Variants in FOXK2 observed in about 807,000 individuals in gnomAD.
FOXK2 encodes the protein forkhead box K2, also known as forkhead box protein K2.
A neutral mutation model predicts 53.3 loss-of-function variants in FOXK2; 24 were observed. The observed-to-expected ratio is 0.45, with a 90% CI of 0.33 to 0.63. The LOEUF (loss-of-function observed/expected upper bound fraction) is 0.63. Among genes scored for constraint, FOXK2 ranks in the 30% least tolerant of loss-of-function variants. FOXK2 has a pLI of 0.03. For synonymous variants in FOXK2, 505 were observed against 407.1 expected (o/e 1.24, Z -2.89); for missense variants, 952 against 910.5 (o/e 1.05, Z -0.59).
intron 1 of FOXK2, among the ~76,000 whole-genome samples, chr17:82,551,240 C>A (rs989391262): frequency 5.9e-5 from 9 of 151,834 alleles, no homozygotes; most frequent in Admixed American, 5.9e-4. Flanking sequence ...TGGCGTGAAC[C>A]TGGGAGGCGG....
chr17:82,548,067 C>T (rs2044643779), intron 1 of FOXK2, among the ~76,000 whole-genome samples: 2 of 152,212 alleles, frequency 1.3e-5, no homozygotes, highest in African/African-American at 2.4e-5. Context: ...GTCTGGGCTG[C>T]TGTGCATCAC....
chr17:82,585,013 GA>G (rs2045116306), intron 6 of FOXK2, among the ~76,000 whole-genome samples: 1 of 152,274 alleles, frequency 6.6e-6, no homozygotes, highest in African/African-American at 2.4e-5. Flanking sequence ...GGTCATTTGG[GA>G]TTCCTGGCCC....
intron 4 of FOXK2, chr17:82,572,073 T>C (rs2044924871): frequency 2.2e-6 from 1 of 464,128 alleles, no homozygotes; most frequent in Non-Finnish European, 3.7e-6. Context: ...GAAGCGTGGT[T>C]CTGGAGGAGC....
In FOXK2 at chr17:82,519,818, C is replaced by G; in HGVS notation, c.-71C>G. The G allele has an allele frequency of 3.5e-6, 2 of 563,756 alleles. No homozygotes were observed. The highest frequency in any genetic ancestry group is 4.5e-6 in the Non-Finnish European group (2 of 448,494). 34.9% of individuals were successfully genotyped at this position (563,756 alleles called of 1,614,324 possible). On this transcript the variant is annotated 5_prime_UTR_variant, in exon 1 of 9. Transcript: ENST00000335255. ...CTCCGGTGCGCGGCGGCCGACGACCCGCGCGGCCTGGGCCTCGGCCCGCGC... is the reference window on the plus strand; with the variant it reads ...CTCCGGTGCGCGGCGGCCGACGACCGGCGCGGCCTGGGCCTCGGCCCGCGC...
At chr17:82,558,644 CTG>C (rs1409853714) in intron 1 of FOXK2, among the ~76,000 whole-genome samples, 1 of 152,222 alleles carries the variant, frequency 6.6e-6, no homozygotes, top group African/African-American at 2.4e-5. Flanking sequence ...GGCGGGGAGT[CTG>C]TTCTGCTGGT....
intron 1 of FOXK2, among the ~76,000 whole-genome samples, chr17:82,539,125 T>C (rs1447002887): frequency 6.6e-6 from 1 of 151,856 alleles, no homozygotes; most frequent in East Asian, 1.9e-4. Context: ...GCCTGTCATC[T>C]CAGCACTGTA....
intron 4 of FOXK2, among the ~76,000 whole-genome samples, chr17:82,573,684 T>C (rs2044949285): frequency 6.6e-6 from 1 of 152,154 alleles, no homozygotes; most frequent in African/African-American, 2.4e-5. Flanking sequence ...GGGGTCCAGC[T>C]TGCTCTGTGG....
Position 82,586,206 on chromosome 17 carries a change from C to CAG in FOXK2, c.1576+6_1576+7insAG, listed in dbSNP as rs1422253827. The CAG allele has an allele frequency of 2.0e-6, 3 of 1,493,640 alleles. No homozygotes were observed. In the African/African-American group the frequency reaches 5.2e-5, roughly 26 times the overall value. 92.5% of individuals were successfully genotyped at this position (1,493,640 alleles called of 1,614,324 possible). A position where few individuals can be genotyped will look rare whatever the true frequency, so the allele number is the denominator to read the frequency against. ...AGACCACAGGGAAGTCAAAGGTAGG[C>CAG]GGAGGGGAAAGGAGGAGAGGGGAGA... is the stretch of plus-strand genomic sequence containing the variant. On this transcript the variant is annotated splice_region_variant and intron_variant, in intron 7 of 8. Transcript: ENST00000335255.
chr17:82,522,041 CTTT>C (rs924582731), intron 1 of FOXK2, among the ~76,000 whole-genome samples: 6 of 107,264 alleles, frequency 5.6e-5, no homozygotes, highest in Admixed American at 3.0e-4. Flanking sequence ...TTTAATCTGA[CTTT>C]TTTTTTTTTT....
chr17:82,575,319 A>G (rs1324470481), intron 4 of FOXK2, among the ~76,000 whole-genome samples: 1 of 152,188 alleles, frequency 6.6e-6, no homozygotes, highest in Non-Finnish European at 1.5e-5. Context: ...CAAACACGCA[A>G]ACACACTAAC....
Position 82,520,061 on chromosome 17 carries a change from G to C in FOXK2, c.173G>C (p.Arg58Pro). 1 of 1,540,636 alleles carries C rather than the reference G, an allele frequency of 6.5e-7. No homozygotes were observed. Among genetic ancestry groups the C allele is most frequent in the East Asian group, 2.6e-5 (1 of 37,760 alleles). The part of the protein sequence containing the change: ...LMKKRSVTIG[R>P]NSSQGSVDVS... The stretch of plus-strand genomic sequence containing the variant: ...AAGAAGCGCTCGGTGACCATCGGCC[G>C]CAACTCGTCGCAGGGCTCGGTGGAC... The change falls in exon 1 of 9, where the codon CGC (arginine) becomes CCC (proline). Residue 58 changes from arginine (R) to proline (P), a missense_variant. Arg to Pro is a moderately radical substitution (Grantham distance 103, BLOSUM62 -2). Around this residue, in one of 5 missense-constraint regions of FOXK2, gnomAD observed 163 missense variants for 165.5 expected, o/e 0.98. Coordinates refer to ENST00000335255, the MANE Select transcript of FOXK2 (RefSeq NM_004514.4).
chr17:82,596,278 T>C (rs931341162), intron 8 of FOXK2: 9 of 883,598 alleles, frequency 1.0e-5, no homozygotes, highest in Non-Finnish European at 1.2e-5. Context: ...GACGCCTTAA[T>C]TCTGGAACAC....
At chr17:82,572,553 T>C (rs3736206) in intron 4 of FOXK2, among the ~76,000 whole-genome samples, 89,704 of 151,418 alleles carry the variant, frequency 0.59, 27,197 homozygotes, top group South Asian at 0.79. Flanking sequence ...ACCCTTTAGA[T>C]TATGTAGGTT....
chr17:82,589,947 G>A (rs137896395), intron 8 of FOXK2, among the ~76,000 whole-genome samples: 65 of 152,190 alleles, frequency 4.3e-4, no homozygotes, highest in African/African-American at 1.5e-3. Flanking sequence ...TCTGGACGCT[G>A]AGGCAGGAGA....
At chr17:82,591,989 G>A (rs1026857084) in intron 8 of FOXK2, among the ~76,000 whole-genome samples, 2 of 152,198 alleles carry the variant, frequency 1.3e-5, no homozygotes, top group African/African-American at 4.8e-5. Flanking sequence ...CTGCAGCCCC[G>A]ACCTACTGGT....
At position 82,601,437 on chromosome 17, in the gene FOXK2, G is replaced by A. The variant is rs1202330729; in HGVS notation, c.1921G>A (p.Val641Ile). Residue 641 changes from valine (V) to isoleucine (I), a missense_variant, in exon 9 of 9, where the codon GTC (valine) becomes ATC (isoleucine). By Grantham distance (29) the Val-to-Ile change is conservative. Around this residue, in one of 5 missense-constraint regions of FOXK2, gnomAD observed 551 missense variants for 385.1 expected, o/e 1.43. Transcript: ENST00000335255. The part of the protein sequence containing the change: ...RIKTEDGEGI[V>I]IALSVDTPPA... ...CAAGACAGAAGACGGCGAGGGCATC[G>A]TCATTGCCCTGAGCGTGGACACGCC... 6.2e-6 allele frequency: 10 copies of A among 1,612,708 alleles called. No homozygotes were observed. The highest frequency in any genetic ancestry group is 3.3e-5 in the Admixed American group (2 of 60,032).
intron 3 of FOXK2, among the ~76,000 whole-genome samples, chr17:82,568,718 A>G (rs2044879773): frequency 6.6e-6 from 1 of 152,222 alleles, no homozygotes; most frequent in Non-Finnish European, 1.5e-5. Context: ...TGTATAAAAC[A>G]ATGGAATGCG....
In FOXK2 at chr17:82,534,523, T is replaced by G. The variant is rs535678530; in HGVS notation, c.419+14216T>G. Among the ~76,000 whole-genome samples the G allele has an allele frequency of 2.0e-5, 3 of 152,298 alleles. No homozygotes were observed. The South Asian group carries it at 6.2e-4, about 32-fold the overall frequency. On this transcript the variant is annotated intron_variant, in intron 1 of 8. Transcript: ENST00000335255. ...AGACCTGGCTCTAGGTCGTCATGCC[T>G]CAGGCTAGAGGAGGGGCCAGGCTCC...
rs993117790 is a variant in FOXK2, at chr17:82,519,763, C to T, written c.-126C>T. 42 of 227,522 alleles carry T rather than the reference C, an allele frequency of 1.8e-4. No individual in the cohort carries two copies. The highest frequency in any genetic ancestry group is 3.3e-4 in the African/African-American group (14 of 42,276). 14.1% of individuals were successfully genotyped at this position (227,522 alleles called of 1,614,324 possible). ...CGCCGCCGCTCGCTCGCTCGCCGGCCGGCGGCCTCCGCTCGGCCCCCTCCC... is the reference window on the plus strand; with the variant it reads ...CGCCGCCGCTCGCTCGCTCGCCGGCTGGCGGCCTCCGCTCGGCCCCCTCCC... On this transcript the variant is annotated 5_prime_UTR_variant, in exon 1 of 9. Coordinates refer to ENST00000335255, the MANE Select transcript of FOXK2 (RefSeq NM_004514.4).
Sources: allele counts gnomAD v4.1 joint callset (sites outside exome capture counted in the v4.1 genomes callset), GRCh38; gene constraint gnomAD v4.1.1; regional missense constraint gnomAD v4.1.1; transcripts MANE v1.5; gene names NCBI Gene and HGNC (gene_info 2026-07-23, HGNC 2026-07-21).